The following FANCM variants were observed in gnomAD, a reference collection of about 807,000 sequenced individuals.
FANCM encodes the protein Fanconi anemia group M protein.
Under a neutral mutation model 199.5 loss-of-function variants are expected in FANCM, and 140 were observed. That is an observed-to-expected ratio of 0.70 (90% CI 0.61 to 0.81). The LOEUF is 0.81. FANCM is among the 30% of genes least tolerant of loss of function. FANCM has a pLI of 0.00. For missense variants in FANCM, 2,410 were observed against 2,421.4 expected (o/e 1.00, Z 0.10); for synonymous variants, 840 against 836.8 (o/e 1.00, Z -0.07).
At position 45,136,246 on chromosome 14, in the gene FANCM, A is replaced by T. The variant is rs1223006364; in HGVS notation, c.215A>T (p.Asn72Ile). Residue 72 changes from asparagine to isoleucine, a missense_variant, in exon 1 of 23, where the codon AAT (asparagine) becomes ATT (isoleucine). Transcript: ENST00000267430. ...YEAERQLCLENGGFCTSAGAL... is the reference protein window; with the variant it reads ...YEAERQLCLEIGGFCTSAGAL... ...GCTGAGCGGCAGTTGTGTCTAGAGA[A>T]TGGCGGGTTCTGCACCTCCGCGGGC... 13 of 1,614,154 alleles carry T rather than the reference A, an allele frequency of 8.1e-6. No individual in the cohort carries two copies. The highest frequency in any genetic ancestry group is 1.1e-5 in the Non-Finnish European group (13 of 1,180,030).
chr14:45,193,581 G>A (rs1438578005), intron 20 of FANCM, among the ~76,000 whole-genome samples: 1 of 152,210 alleles, frequency 6.6e-6, no homozygotes, highest in Non-Finnish European at 1.5e-5. Context: ...TAAAAGTCCA[G>A]CTTTTGTTGT....
At chr14:45,153,819 A>G (rs1174927813) in intron 5 of FANCM, 101 bp from the exon 6 acceptor site, 5 of 895,896 alleles carry the variant, frequency 5.6e-6, no homozygotes, top group Middle Eastern at 2.2e-4. Context: ...CATTTGGATT[A>G]TATTATAAAT....
chr14:45,181,121 C>G (rs1889039333), intron 14 of FANCM, among the ~76,000 whole-genome samples: 1 of 152,156 alleles, frequency 6.6e-6, no homozygotes, highest in Admixed American at 6.5e-5. Flanking sequence ...TTAATGGAAC[C>G]AGTGACTAAT....
chr14:45,181,648 T>C lies in FANCM; in HGVS notation c.4329T>C (p.Asn1443=), dbSNP rs777101376. The change falls in exon 16 of 23, where the codon AAT becomes AAC. Residue 1443 remains asparagine (N), a synonymous_variant. Transcript: ENST00000267430. ...TTTACTTACTTTAGGATCAGAAAAA[T>C]AGTGAAGTTGATTCTCCACTTCATG... ...NVLNSPEDQK[N]SEVDSPLHAV... is the part of the protein sequence containing the mutation. 3.1e-6 allele frequency: 5 copies of C among 1,611,228 alleles called. No homozygotes were observed. The South Asian group carries it at 3.3e-5, about 11-fold the overall frequency.
At chr14:45,186,289 G>A (rs797013182) in intron 18 of FANCM, among the ~76,000 whole-genome samples, 6 of 152,326 alleles carry the variant, frequency 3.9e-5, no homozygotes, top group African/African-American at 1.2e-4. Flanking sequence ...GATGTAGATT[G>A]TTAAGACCAA....
chr14:45,174,937 TA>T, intron 13 of FANCM, 133 bp from the exon 14 acceptor site: 1 of 590,366 alleles, frequency 1.7e-6, no homozygotes, highest in Non-Finnish European at 2.9e-6. Context: ...GAATAACTTT[TA>T]AGGTATAAAA....
intron 18 of FANCM, 147 bp from the exon 19 acceptor site, chr14:45,187,634 A>G: frequency 1.8e-6 from 1 of 555,456 alleles, no homozygotes; most frequent in Non-Finnish European, 3.3e-6. Context: ...AATTGTTTAT[A>G]GATATCTTTT....
intron 2 of FANCM, among the ~76,000 whole-genome samples, chr14:45,140,252 C>T (rs909615788): frequency 3.3e-5 from 5 of 151,862 alleles, no homozygotes; most frequent in Admixed American, 1.3e-4. Context: ...TTGTAGAGAC[C>T]AGGTTTCACC....
At chr14:45,191,557 G>C (rs911040) in intron 20 of FANCM, among the ~76,000 whole-genome samples, 33,073 of 152,078 alleles carry the variant, frequency 0.22, 5,157 homozygotes, top group African/African-American at 0.44. Flanking sequence ...AGCAATATTT[G>C]TACTTTGGTA....
At chr14:45,152,506 C>G (rs1183366223) in intron 5 of FANCM, among the ~76,000 whole-genome samples, 1 of 152,072 alleles carries the variant, frequency 6.6e-6, no homozygotes, top group Non-Finnish European at 1.5e-5. Context: ...TTCTAACCTG[C>G]ATTGGAAAAA....
At chr14:45,163,061 A>G (rs529078026) in intron 9 of FANCM, among the ~76,000 whole-genome samples, 1 of 152,348 alleles carries the variant, frequency 6.6e-6, no homozygotes, top group Non-Finnish European at 1.5e-5. Context: ...TGTTTATGAG[A>G]AGACTTAACA....
intron 3 of FANCM, among the ~76,000 whole-genome samples, chr14:45,146,009 A>C (rs908842938): frequency 7.5e-5 from 11 of 147,590 alleles, no homozygotes; most frequent in African/African-American, 2.5e-4. Flanking sequence ...CAGTGAGCCG[A>C]GATCCCGCCA....
chr14:45,180,600 G>T (rs1334768317), intron 14 of FANCM, among the ~76,000 whole-genome samples: 1 of 152,028 alleles, frequency 6.6e-6, no homozygotes, highest in Non-Finnish European at 1.5e-5. Context: ...ACCACACCCA[G>T]CTAATTATTG....
At chr14:45,193,049 A>G (rs1441238842) in intron 20 of FANCM, among the ~76,000 whole-genome samples, 2 of 152,192 alleles carry the variant, frequency 1.3e-5, no homozygotes, top group Admixed American at 6.5e-5. Context: ...GAGACAAGCA[A>G]TTACTGTGGA....
intron 14 of FANCM, 88 bp from the exon 15 acceptor site, chr14:45,181,342 C>A (rs1243112242): frequency 1.4e-6 from 1 of 717,682 alleles, no homozygotes; most frequent in Non-Finnish European, 2.4e-6. Flanking sequence ...TGAAATAATT[C>A]TTAATGTAGC....
At chr14:45,152,833 A>G (rs933372306) in intron 5 of FANCM, among the ~76,000 whole-genome samples, 1 of 152,236 alleles carries the variant, frequency 6.6e-6, no homozygotes, top group Admixed American at 6.5e-5. Flanking sequence ...TGTGGTCTTT[A>G]TCATATAGTA....
chr14:45,153,853 A>C (rs533575219), intron 5 of FANCM, 67 bp from the exon 6 acceptor site: 13 of 1,260,488 alleles, frequency 1.0e-5, no homozygotes, highest in Non-Finnish European at 1.5e-5. Context: ...TGGCCTGACA[A>C]CTTGGGCATG....
chr14:45,187,967 G>A lies in FANCM; in HGVS notation c.4779+80G>A, dbSNP rs975928086. 5 of 783,776 alleles carry A rather than the reference G, an allele frequency of 6.4e-6. No individual in the cohort carries two copies. In the African/African-American group the frequency reaches 8.6e-5, roughly 13 times the overall value. The allele number at this position is 783,776 out of a possible 1,614,324, so 48.6% of individuals were successfully genotyped here. A position where few individuals can be genotyped will look rare whatever the true frequency, so the allele number is the denominator to read the frequency against. ...TTCCTGTTAGTGAAGCCTCCATTTT[G>A]TTTCTAAAACTGGGCTGTCAGAGCT... On this transcript the variant is annotated intron_variant, in intron 19 of 22. Coordinates refer to ENST00000267430, the MANE Select transcript of FANCM (RefSeq NM_020937.4).
chr14:45,189,101 C>T lies in FANCM; in HGVS notation c.5079C>T (p.Ser1693=), dbSNP rs1359577996. The part of the protein sequence containing the change: ...KRESNIAVNP[S]TVKKNKQQDH... ...AATCTAATATTGCGGTTAACCCAAG[C>T]ACTGTTAAGAAGAACAAACAACAGG... Residue 1693 remains serine, a synonymous_variant, in exon 20 of 23, where the codon AGC becomes AGT. Transcript: ENST00000267430. 6.2e-7 allele frequency: 1 copy of T among 1,614,146 alleles called. No individual in the cohort carries two copies. Among genetic ancestry groups the T allele is most frequent in the South Asian group, 1.1e-5 (1 of 91,084 alleles).
Sources: allele counts gnomAD v4.1 joint callset (sites outside exome capture counted in the v4.1 genomes callset), GRCh38; gene constraint gnomAD v4.1.1; transcripts MANE v1.5; gene names NCBI Gene and HGNC (gene_info 2026-07-23, HGNC 2026-07-21).